Variants in SYNDIG1 observed in about 807,000 individuals in gnomAD.
The protein encoded by SYNDIG1 is synapse differentiation inducing 1, also known as synapse differentiation-inducing gene protein 1.
In SYNDIG1, 9 loss-of-function variants were observed where a neutral mutation model predicts 19.4. The observed-to-expected ratio is 0.46, with a 90% CI of 0.28 to 0.81. The LOEUF is 0.81. SYNDIG1 is among the 30% of genes least tolerant of loss of function. SYNDIG1 has a pLI of 0.12. For synonymous variants in SYNDIG1, 141 were observed against 145.9 expected (o/e 0.97, Z 0.24); for missense variants, 311 against 343.3 (o/e 0.91, Z 0.74).
intron 1 of SYNDIG1, among the ~76,000 whole-genome samples, chr20:24,529,077 A>C (rs1010828464): frequency 6.6e-6 from 1 of 152,204 alleles, no homozygotes; most frequent in African/African-American, 2.4e-5. Flanking sequence ...TTTAGAGGTG[A>C]GAATGCGTTC....
chr20:24,632,028 C>T (rs540637901), intron 3 of SYNDIG1, among the ~76,000 whole-genome samples: 107 of 152,198 alleles, frequency 7.0e-4, no homozygotes, highest in South Asian at 2.3e-3. Context: ...TAGGCATGTC[C>T]CTGTAGCCTC....
intron 2 of SYNDIG1, 69 bp downstream of exon 2, chr20:24,543,646 A>G: frequency 6.5e-7 from 1 of 1,544,970 alleles, no homozygotes. Context: ...GGCAGGAGCC[A>G]TGAATGCCTG....
chr20:24,489,515 G>GCA (rs375872249), intron 1 of SYNDIG1, among the ~76,000 whole-genome samples: 1 of 146,402 alleles, frequency 6.8e-6, no homozygotes, highest in Admixed American at 6.8e-5. Flanking sequence ...ACAGATACAT[G>GCA]CACACACACG....
intron 2 of SYNDIG1, among the ~76,000 whole-genome samples, chr20:24,578,747 C>T (rs1355419161): frequency 6.6e-6 from 1 of 152,188 alleles, no homozygotes; most frequent in Non-Finnish European, 1.5e-5. Flanking sequence ...CAGGGAGCTC[C>T]CTGCAGGTGG....
intron 1 of SYNDIG1, among the ~76,000 whole-genome samples, chr20:24,500,498 CTTTCT>C (rs749307591): frequency 4.5e-4 from 63 of 141,550 alleles, no homozygotes; most frequent in Non-Finnish European, 8.0e-4. Flanking sequence ...TTCTTTCTTT[CTTTCT>C]TTCTTTCTTT....
intron 1 of SYNDIG1, among the ~76,000 whole-genome samples, chr20:24,517,558 G>A (rs1315135414): frequency 2.0e-5 from 3 of 147,472 alleles, no homozygotes; most frequent in African/African-American, 7.4e-5. Context: ...GGCGGAGCTT[G>A]CAGTGAGCCG....
intron 3 of SYNDIG1, among the ~76,000 whole-genome samples, chr20:24,652,219 G>A (rs766585856): frequency 1.2e-4 from 19 of 152,308 alleles, no homozygotes; most frequent in South Asian, 2.1e-4. Flanking sequence ...AGACAGAGGC[G>A]TTGAAAGGGA....
intron 2 of SYNDIG1, among the ~76,000 whole-genome samples, chr20:24,572,961 G>A (rs904342205): frequency 1.2e-4 from 18 of 152,138 alleles, no homozygotes; most frequent in African/African-American, 4.1e-4. Context: ...CTCCAAGCTT[G>A]CCCTCTGTTC....
chr20:24,484,225 C>T (rs1386807174), intron 1 of SYNDIG1, among the ~76,000 whole-genome samples: 1 of 152,076 alleles, frequency 6.6e-6, no homozygotes, highest in African/African-American at 2.4e-5. Context: ...TGGGCGTGTT[C>T]AGCCCCATTC....
chr20:24,530,340 G>A (rs1408435625), intron 1 of SYNDIG1, among the ~76,000 whole-genome samples: 1 of 152,160 alleles, frequency 6.6e-6, no homozygotes, highest in Admixed American at 6.5e-5. Context: ...GGTTGGCTTT[G>A]TGAACAGGAA....
chr20:24,632,573 GA>G (rs35560066), intron 3 of SYNDIG1, among the ~76,000 whole-genome samples: 1 of 152,100 alleles, frequency 6.6e-6, no homozygotes, highest in Admixed American at 6.5e-5. Context: ...TAACACCAGT[GA>G]AAAAAAGCAG....
intron 3 of SYNDIG1, among the ~76,000 whole-genome samples, chr20:24,595,509 A>G (rs1008363786): frequency 5.9e-5 from 9 of 152,176 alleles, no homozygotes; most frequent in Non-Finnish European, 1.0e-4. Flanking sequence ...TACTGACCTC[A>G]TAGGATGTGT....
chr20:24,538,423 T>C (rs1000886004), intron 1 of SYNDIG1, among the ~76,000 whole-genome samples: 1 of 152,206 alleles, frequency 6.6e-6, no homozygotes, highest in Non-Finnish European at 1.5e-5. Flanking sequence ...TGCTGTGGCC[T>C]ATGTGAGAAT....
At chr20:24,638,971 C>A (rs1325641252) in intron 3 of SYNDIG1, among the ~76,000 whole-genome samples, 2 of 152,178 alleles carry the variant, frequency 1.3e-5, no homozygotes, top group Non-Finnish European at 2.9e-5. Flanking sequence ...TGGAAGACAA[C>A]CTGCTGGGCC....
At chr20:24,634,710 T>G (rs2147315971) in intron 3 of SYNDIG1, among the ~76,000 whole-genome samples, 1 of 152,356 alleles carries the variant, frequency 6.6e-6, no homozygotes, top group East Asian at 1.9e-4. Flanking sequence ...GGTGTTCACA[T>G]TTTATTAATT....
chr20:24,510,693 T>C (rs1464142302), intron 1 of SYNDIG1, among the ~76,000 whole-genome samples: 4 of 152,238 alleles, frequency 2.6e-5, no homozygotes, highest in Non-Finnish European at 5.9e-5. Context: ...TATGTATGTC[T>C]GAATCTGTAA....
rs375016236 is a variant in SYNDIG1 at position 24,547,354 on chromosome 20, C to T, written c.480+3777C>T. ...GCATGTGGAGCGTTCAGTTTGCCTTCGAGGTTGTGGTAGTAACAAGAACAG... is the reference window on the plus strand; with the variant it reads ...GCATGTGGAGCGTTCAGTTTGCCTTTGAGGTTGTGGTAGTAACAAGAACAG... On this transcript the variant is annotated intron_variant, in intron 2 of 3. Transcript: ENST00000376862. Among the ~76,000 whole-genome samples, 68 of 152,292 alleles carry T rather than the reference C, an allele frequency of 4.5e-4. 1 individual carries two copies. The highest frequency in any genetic ancestry group is 2.9e-3 in the East Asian group (15 of 5,176).
chr20:24,564,594 G>A (rs1158609494), intron 2 of SYNDIG1, among the ~76,000 whole-genome samples: 1 of 152,160 alleles, frequency 6.6e-6, no homozygotes, highest in African/African-American at 2.4e-5. Flanking sequence ...GAGATGTTGT[G>A]GCTGTTAAAA....
At chr20:24,567,860 G>A (rs1268101414) in intron 2 of SYNDIG1, among the ~76,000 whole-genome samples, 3 of 152,246 alleles carry the variant, frequency 2.0e-5, no homozygotes, top group Non-Finnish European at 4.4e-5. Context: ...TGGGCCAGGC[G>A]TGGTGGCTCA....
Sources: gnomAD v4.1 joint callset for allele counts (sites outside exome capture counted in the v4.1 genomes callset) on GRCh38, gnomAD v4.1.1 for gene constraint, MANE v1.5 for transcripts, NCBI Gene and HGNC (gene_info 2026-07-23, HGNC 2026-07-21) for gene names.